Variants in FREM2 observed in about 807,000 individuals in gnomAD.
FREM2 encodes FRAS1 related extracellular matrix 2, also known as FRAS1-related extracellular matrix protein 2.
A neutral mutation model predicts 219.9 loss-of-function variants in FREM2; 119 were observed. The ratio of observed to expected loss-of-function variants is 0.54; its 90% CI spans 0.47 to 0.63. The LOEUF (loss-of-function observed/expected upper bound fraction) is 0.63, where lower values mean the gene tolerates loss of function less well. Among genes scored for constraint, FREM2 ranks in the 30% least tolerant of loss-of-function variants. The pLI is 0.00. For missense variants in FREM2, 4,030 were observed against 3,993.6 expected (o/e 1.01, Z -0.25); for synonymous variants, 1,562 against 1,522.8 (o/e 1.03, Z -0.60).
At chr13:38,807,190 TA>T (rs1875269762) in intron 6 of FREM2, among the ~76,000 whole-genome samples, 12 of 36,140 alleles carry the variant, frequency 3.3e-4, no homozygotes, top group Non-Finnish European at 6.0e-4. Flanking sequence ...TTGTCTCTGT[TA>T]TATATATATA....
At chr13:38,834,763 G>A (rs545469935) in intron 6 of FREM2, among the ~76,000 whole-genome samples, 1 of 152,292 alleles carries the variant, frequency 6.6e-6, no homozygotes, top group Admixed American at 6.5e-5. Context: ...AAAAGCATCT[G>A]TTCATATCCT....
chr13:38,805,104 C>T (rs961414352), intron 6 of FREM2, among the ~76,000 whole-genome samples: 1 of 151,906 alleles, frequency 6.6e-6, no homozygotes, highest in Admixed American at 6.6e-5. Context: ...GAGTCATTGG[C>T]AGTAGAGCCT....
Position 38,864,275 on chromosome 13 carries a change from G to T in FREM2, c.7652G>T (p.Gly2551Val). 1.2e-6 allele frequency: 2 copies of T among 1,610,294 alleles called. No individual in the cohort carries two copies. The highest frequency in any genetic ancestry group is 8.5e-7 in the Non-Finnish European group (1 of 1,177,486). Residue 2551 changes from glycine (G) to valine (V), a missense_variant and splice_region_variant, in exon 16 of 24, where the codon GGC becomes GTC. This residue lies in a region of FREM2 where 928 missense variants were observed against 1,042.9 expected (regional missense o/e 0.89). Transcript: ENST00000280481. ...TAACAATGATTTCGATTTATCATAG[G>T]CATGCTCCCCGTGATCTCCACTAGA... Reference protein sequence around the residue: ...KLTVTMPHIDGMLPVISTREL... With the variant: ...KLTVTMPHIDVMLPVISTREL...
rs1478919917 is a variant in FREM2 at position 38,857,749 on chromosome 13, G to A, written c.7057-126G>A. On this transcript the variant is annotated intron_variant, in intron 12 of 23. Transcript: ENST00000280481. ...GGGCCTGTTGCTCTCCAGGGGCTCT[G>A]AGTATGACAATTTGCATCATAACGA... The A allele has an allele frequency of 5.0e-6, 4 of 804,254 alleles. No homozygotes were observed. In the African/African-American group the frequency reaches 5.1e-5, roughly 10 times the overall value. 49.8% of individuals were successfully genotyped at this position (804,254 alleles called of 1,614,324 possible).
intron 1 of FREM2, among the ~76,000 whole-genome samples, chr13:38,695,472 T>C (rs1870071474): frequency 6.6e-6 from 1 of 152,206 alleles, no homozygotes; most frequent in African/African-American, 2.4e-5. Context: ...GAAGTGAGGA[T>C]TTATTTCAAT....
At chr13:38,871,534 T>C (rs1593456373) in intron 16 of FREM2, among the ~76,000 whole-genome samples, 2 of 152,340 alleles carry the variant, frequency 1.3e-5, no homozygotes, top group African/African-American at 4.8e-5. Flanking sequence ...CCTTCATCTT[T>C]GTTTGGAATA....
rs201063766 is a variant in FREM2 at position 38,690,840 on chromosome 13, C to T, written c.3496C>T (p.Arg1166Cys). ...ACCTGTGGAGGACCGATTTGTATTT[C>T]GTTGTTCTGATGGCATTAACTTTTC... ...VEPVEDRFVF[R>C]CSDGINFSER... Residue 1166 changes from arginine (R) to cysteine (C), a missense_variant, in exon 1 of 24, where the codon CGT (arginine) becomes TGT (cysteine). Arg to Cys is a radical substitution (Grantham distance 180). Around this residue, in one of 2 missense-constraint regions of FREM2, gnomAD observed 3,102 missense variants for 2,950.7 expected, o/e 1.05. Transcript: ENST00000280481. The T allele has an allele frequency of 3.4e-5, 55 of 1,613,988 alleles. No homozygotes were observed. Among genetic ancestry groups the T allele is most frequent in the Non-Finnish European group, 4.2e-5 (49 of 1,180,008 alleles).
chr13:38,761,986 A>G (rs1873243934), intron 2 of FREM2, among the ~76,000 whole-genome samples: 1 of 152,190 alleles, frequency 6.6e-6, no homozygotes, highest in Non-Finnish European at 1.5e-5. Flanking sequence ...CAAAGGAGAA[A>G]GGAGCACAGG....
chr13:38,860,023 T>A (rs1877705155), intron 14 of FREM2, among the ~76,000 whole-genome samples: 1 of 151,826 alleles, frequency 6.6e-6, no homozygotes, highest in Non-Finnish European at 1.5e-5. Context: ...GAGCAACAAC[T>A]CATAAAAGCA....
Position 38,702,856 on chromosome 13 carries a change from C to T in FREM2, c.5263+5069C>T, listed in dbSNP as rs577234063. On this transcript the variant is annotated intron_variant, in intron 2 of 23. Transcript: ENST00000280481. ...GCGGCAGACATAATATCTGTGTTGG[C>T]CATTATAGTGTTATCTGGGCCACAG... Among the ~76,000 whole-genome samples, 106 of 152,130 alleles carry T rather than the reference C, an allele frequency of 7.0e-4. No individual in the cohort carries two copies. In the South Asian group the frequency reaches 0.021, roughly 31 times the overall value.
At chr13:38,824,685 G>A (rs1876203752) in intron 6 of FREM2, among the ~76,000 whole-genome samples, 1 of 152,066 alleles carries the variant, frequency 6.6e-6, no homozygotes, top group Non-Finnish European at 1.5e-5. Flanking sequence ...GGAGCCACCA[G>A]TTAGCAGCTC....
At position 38,687,276 on chromosome 13, in the gene FREM2, T is replaced by C. The variant is rs971142052; in HGVS notation, c.-69T>C. ...TCCTGGCACTTCCCGGCGGTGTCTC[T>C]TGTTGTCTGCCCGGGGACCGACTTC... On this transcript the variant is annotated 5_prime_UTR_variant, in exon 1 of 24. Coordinates refer to ENST00000280481, the MANE Select transcript of FREM2 (RefSeq NM_207361.6). 24 of 1,549,648 alleles carry C rather than the reference T, an allele frequency of 1.5e-5. No individual in the cohort carries two copies. In the African/African-American group the frequency reaches 2.5e-4, roughly 16 times the overall value.
In FREM2 at chr13:38,872,749, A is replaced by G. The variant is rs1471400331; in HGVS notation, c.7991A>G (p.Asn2664Ser). 1 of 1,613,898 alleles carries G rather than the reference A, an allele frequency of 6.2e-7. No homozygotes were observed. Among genetic ancestry groups the G allele is most frequent in the Non-Finnish European group, 8.5e-7 (1 of 1,179,854 alleles). ...GTIGTDGQVL[N>S]LVQSYVTLRV... Reference sequence around the variant, plus strand: ...GTAATTTTGTTGTTTTAGGTCCTAAACCTAGTGCAGTCCTATGTGACCCTT... The same window carrying G: ...GTAATTTTGTTGTTTTAGGTCCTAAGCCTAGTGCAGTCCTATGTGACCCTT... Residue 2664 changes from asparagine to serine, a missense_variant, in exon 17 of 24, where the codon AAC (asparagine) becomes AGC (serine). By Grantham distance (46) the Asn-to-Ser change is conservative. Coordinates refer to ENST00000280481, the MANE Select transcript of FREM2 (RefSeq NM_207361.6).
At chr13:38,868,716 G>A (rs1878057457) in intron 16 of FREM2, among the ~76,000 whole-genome samples, 2 of 152,206 alleles carry the variant, frequency 1.3e-5, no homozygotes, top group South Asian at 4.1e-4. Context: ...TCTGAATACA[G>A]GCAGATCAGT....
chr13:38,692,220 A>G lies in FREM2; in HGVS notation c.4876A>G (p.Thr1626Ala), dbSNP rs1869912626. The change falls in exon 1 of 24, where the codon ACA (threonine) becomes GCA (alanine). Residue 1626 changes from threonine to alanine, a missense_variant. By Grantham distance (58) the Thr-to-Ala change is moderately conservative. This residue lies in a region of FREM2 where 3,102 missense variants were observed against 2,950.7 expected (regional missense o/e 1.05). Transcript: ENST00000280481. ...FSFTVTDGTH[T>A]DFYVFPDTVF... ...CTTCACAGTGACTGATGGCACCCAT[A>G]CAGACTTCTATGTTTTTCCTGATAC... 6.2e-7 allele frequency: 1 copy of G among 1,614,060 alleles called. No homozygotes were observed. Among genetic ancestry groups the G allele is most frequent in the Non-Finnish European group, 8.5e-7 (1 of 1,180,020 alleles).
At chr13:38,831,651 C>T (rs1411269935) in intron 6 of FREM2, among the ~76,000 whole-genome samples, 1 of 149,800 alleles carries the variant, frequency 6.7e-6, no homozygotes, top group African/African-American at 2.5e-5. Context: ...GCTCTGTCGC[C>T]CAAGCTGGAG....
chr13:38,778,155 T>G (rs1873953055), intron 4 of FREM2, among the ~76,000 whole-genome samples: 1 of 152,232 alleles, frequency 6.6e-6, no homozygotes, highest in African/African-American at 2.4e-5. Context: ...CTGGCCAGTA[T>G]AGATTAGAAG....
At chr13:38,757,259 A>G (rs866882796) in intron 2 of FREM2, among the ~76,000 whole-genome samples, 1 of 152,198 alleles carries the variant, frequency 6.6e-6, no homozygotes, top group Non-Finnish European at 1.5e-5. Context: ...ACAAAATTAC[A>G]CATAGTAATG....
chr13:38,872,984 C>T, intron 17 of FREM2, 50 bp downstream of exon 17: 3 of 1,543,932 alleles, frequency 1.9e-6, no homozygotes, highest in African/African-American at 1.4e-5. Context: ...CCTATTTAAA[C>T]TATTTAAGAC....
Sources: allele counts gnomAD v4.1 joint callset (sites outside exome capture counted in the v4.1 genomes callset), GRCh38; gene constraint gnomAD v4.1.1; regional missense constraint gnomAD v4.1.1; transcripts MANE v1.5; gene names NCBI Gene and HGNC (gene_info 2026-07-23, HGNC 2026-07-21).